MYH10: variants seen among roughly 807,000 people sequenced by gnomAD.
MYH10 encodes the protein myosin-10.
A neutral mutation model predicts 257.8 loss-of-function variants in MYH10; 55 were observed. The ratio of observed to expected loss-of-function variants is 0.21; its 90% CI spans 0.17 to 0.27. MYH10 has a LOEUF of 0.27. Ranked by LOEUF, MYH10 falls within the 10% of genes least tolerant of loss-of-function variation. The probability of loss-of-function intolerance (pLI) is 1.00; values close to 1 mark genes in which losing one functional copy is unlikely to be tolerated. For missense variants in MYH10, 1,631 were observed against 2,500.6 expected (o/e 0.65, Z 7.42); for synonymous variants, 854 against 921.7 (o/e 0.93, Z 1.33).
rs147056814 is a variant in MYH10 at position 8,611,675 on chromosome 17, G to A, written c.346-6693C>T. Among the ~76,000 whole-genome samples the A allele has an allele frequency of 6.1e-3, 927 of 152,270 alleles. 8 individuals are homozygous for A. The highest frequency in any genetic ancestry group is 0.021 in the African/African-American group (875 of 41,546). ...CAGCTGAAGAAACAATTAGTTACAC[G>A]GCATTTTAATCAGAGGCAAACAGCC... On this transcript the variant is annotated intron_variant, in intron 2 of 42. Transcript: ENST00000360416.
At chr17:8,570,201 A>G (rs2083290493) in intron 6 of MYH10, among the ~76,000 whole-genome samples, 1 of 152,254 alleles carries the variant, frequency 6.6e-6, no homozygotes, top group Admixed American at 6.5e-5. Context: ...GCCTTATTTG[A>G]AAACTTTAAG....
intron 29 of MYH10, among the ~76,000 whole-genome samples, chr17:8,500,171 AG>A (rs2151841761): frequency 6.6e-6 from 1 of 152,360 alleles, no homozygotes; most frequent in South Asian, 2.1e-4. Flanking sequence ...CTAAATTAAA[AG>A]GTGGCATGTG....
intron 21 of MYH10, among the ~76,000 whole-genome samples, chr17:8,516,913 T>C (rs977465389): frequency 1.5e-4 from 23 of 151,138 alleles, no homozygotes; most frequent in Admixed American, 1.4e-3. Context: ...CTGAGGCGGG[T>C]GGATCACAAG....
chr17:8,616,105 G>A (rs978239267), intron 2 of MYH10, among the ~76,000 whole-genome samples: 6 of 152,082 alleles, frequency 3.9e-5, no homozygotes, highest in Admixed American at 6.6e-5. Flanking sequence ...GCAACATGGC[G>A]AAACCCTGTC....
chr17:8,511,014 C>CCATATATATATATATATATATATA (rs2081250614), intron 24 of MYH10: 6 of 73,524 alleles, frequency 8.2e-5, no homozygotes, highest in Admixed American at 5.3e-4. Context: ...CTCATGTACC[C>CCATATATATATATATATATATATA]CATATATATA....
At chr17:8,616,040 T>C (rs2085248695) in intron 2 of MYH10, among the ~76,000 whole-genome samples, 1 of 152,166 alleles carries the variant, frequency 6.6e-6, no homozygotes, top group Non-Finnish European at 1.5e-5. Flanking sequence ...TCCCAACACT[T>C]TGGGAGGCTG....
intron 2 of MYH10, among the ~76,000 whole-genome samples, chr17:8,610,782 T>C (rs1181689558): frequency 1.3e-5 from 2 of 152,224 alleles, no homozygotes; most frequent in Non-Finnish European, 2.9e-5. Context: ...TCCCAGCCTC[T>C]AGAACCATAA....
At chr17:8,525,570 C>A (rs142629205) in intron 17 of MYH10, among the ~76,000 whole-genome samples, 3 of 152,196 alleles carry the variant, frequency 2.0e-5, no homozygotes, top group African/African-American at 7.2e-5. Flanking sequence ...AGGAAGAGCA[C>A]CATGTTACTC....
intron 11 of MYH10, 21 bp from the exon 12 acceptor site, chr17:8,546,683 T>A: frequency 6.3e-7 from 1 of 1,576,914 alleles, no homozygotes; most frequent in Non-Finnish European, 8.7e-7. Flanking sequence ...AAAAGTCTCC[T>A]AAATCCTACA....
At chr17:8,483,340 C>T (rs747666046) in intron 37 of MYH10, among the ~76,000 whole-genome samples, 1 of 152,138 alleles carries the variant, frequency 6.6e-6, no homozygotes, top group Non-Finnish European at 1.5e-5. Context: ...AGATAGAGGA[C>T]AGCAGGACGA....
rs1276668767 is a variant in MYH10 at position 8,477,109 on chromosome 17, G to C, written c.5707-61C>G. 6 of 1,590,304 alleles carry C rather than the reference G, an allele frequency of 3.8e-6. No individual in the cohort carries two copies. In the South Asian group the frequency reaches 4.4e-5, roughly 12 times the overall value. On this transcript the variant is annotated intron_variant, in intron 41 of 42. Coordinates refer to ENST00000360416, the MANE Select transcript of MYH10 (RefSeq NM_001256012.3). This position sits in a 1 kb window ranked among gnomAD's most constrained non-coding sequence, Gnocchi z 4.2. ...TGGTGAATCCAGTGTCGGCCTCTCTGTACCCCGAGCGTGGCAGTGTGGGGC... is the reference window on the plus strand; with the variant it reads ...TGGTGAATCCAGTGTCGGCCTCTCTCTACCCCGAGCGTGGCAGTGTGGGGC...
intron 7 of MYH10, among the ~76,000 whole-genome samples, chr17:8,568,125 G>C (rs1214960431): frequency 6.6e-6 from 1 of 152,126 alleles, no homozygotes; most frequent in Non-Finnish European, 1.5e-5. Context: ...TGGCTCTCCA[G>C]ATAAACCTGC....
intron 5 of MYH10, 123 bp from the exon 6 acceptor site, chr17:8,576,795 G>C: frequency 1.2e-6 from 1 of 832,146 alleles, no homozygotes; most frequent in South Asian, 1.6e-5. Context: ...GTTGGCTGGC[G>C]TTCTCTCAGG....
chr17:8,478,043 A>G (rs958787768), intron 41 of MYH10, among the ~76,000 whole-genome samples: 6 of 152,348 alleles, frequency 3.9e-5, no homozygotes, highest in African/African-American at 1.4e-4. Context: ...TTAGGGAGAT[A>G]ACAGGGAGCA....
chr17:8,522,781 C>G (rs935888587), intron 17 of MYH10, among the ~76,000 whole-genome samples: 1 of 152,188 alleles, frequency 6.6e-6, no homozygotes, highest in Non-Finnish European at 1.5e-5. Context: ...CGTCCTCTTC[C>G]TCTCCTGCCC....
At chr17:8,571,199 G>A (rs2083327190) in intron 6 of MYH10, among the ~76,000 whole-genome samples, 1 of 142,846 alleles carries the variant, frequency 7.0e-6, no homozygotes, top group African/African-American at 2.6e-5. Flanking sequence ...TTTTGAGACG[G>A]AGACTCACTC....
intron 9 of MYH10, among the ~76,000 whole-genome samples, chr17:8,551,160 T>TAAA (rs1567888126): frequency 1.1e-4 from 11 of 99,608 alleles, no homozygotes; most frequent in African/African-American, 2.2e-4. Context: ...AATAATAAAT[T>TAAA]TAAAAAAAAA....
intron 6 of MYH10, chr17:8,573,800 T>C: frequency 1.1e-6 from 1 of 933,376 alleles, no homozygotes. Context: ...GATTTGCTTA[T>C]ATTTGTTCAT....
chr17:8,585,160 G>A (rs530092044), intron 4 of MYH10, among the ~76,000 whole-genome samples: 25 of 150,646 alleles, frequency 1.7e-4, no homozygotes, highest in Admixed American at 6.6e-4. Flanking sequence ...TCTTTTGGTC[G>A]TACTACATAT....
Sources: gnomAD v4.1 joint callset for allele counts (sites outside exome capture counted in the v4.1 genomes callset) on GRCh38, gnomAD v4.1.1 for gene constraint, Gnocchi (gnomAD v3.1) non-coding constraint, MANE v1.5 for transcripts, NCBI Gene and HGNC (gene_info 2026-07-23, HGNC 2026-07-21) for gene names.